The following MARCHF4 variants were observed in gnomAD, a reference collection of about 807,000 sequenced individuals.
MARCHF4 encodes the protein membrane associated ring-CH-type finger 4, also known as E3 ubiquitin-protein ligase MARCHF4.
In MARCHF4, 14 loss-of-function variants were observed where a neutral mutation model predicts 43.9. That is an observed-to-expected ratio of 0.32 (90% CI 0.21 to 0.50). The LOEUF is 0.50. Among genes scored for constraint, MARCHF4 ranks in the 20% least tolerant of loss-of-function variants. The probability of loss-of-function intolerance (pLI) is 0.98; values close to 1 mark genes in which losing one functional copy is unlikely to be tolerated. For synonymous variants in MARCHF4, 226 were observed against 213.3 expected (o/e 1.06, Z -0.52); for missense variants, 468 against 536.7 (o/e 0.87, Z 1.27).
At chr2:216,335,004 TC>T (rs1245979051) in intron 1 of MARCHF4, among the ~76,000 whole-genome samples, 3 of 152,200 alleles carry the variant, frequency 2.0e-5, no homozygotes, top group African/African-American at 7.2e-5. Flanking sequence ...ATGTGCTACT[TC>T]CAGTAATCAT....
At chr2:216,327,660 G>T (rs975831322) in intron 1 of MARCHF4, among the ~76,000 whole-genome samples, 90 of 152,294 alleles carry the variant, frequency 5.9e-4, no homozygotes, top group African/African-American at 2.1e-3. Flanking sequence ...AACCACTAAT[G>T]TTGATATAAT....
chr2:216,357,354 G>T (rs909834412), intron 1 of MARCHF4, among the ~76,000 whole-genome samples: 2 of 151,990 alleles, frequency 1.3e-5, no homozygotes, highest in African/African-American at 4.8e-5. Context: ...ACATGGTCTT[G>T]CTCTGTCACC....
chr2:216,262,154 AGAG>A (rs747223254), intron 3 of MARCHF4, among the ~76,000 whole-genome samples: 3 of 152,202 alleles, frequency 2.0e-5, no homozygotes, highest in Non-Finnish European at 4.4e-5. Context: ...ATTTGTGGAG[AGAG>A]GAGAAGGTGG....
chr2:216,320,496 G>A (rs972398821), intron 1 of MARCHF4, among the ~76,000 whole-genome samples: 7 of 152,076 alleles, frequency 4.6e-5, no homozygotes, highest in African/African-American at 1.7e-4. Context: ...CCAGCAAATG[G>A]GCAACCCAGG....
At chr2:216,288,175 G>T (rs1483905056) in intron 1 of MARCHF4, among the ~76,000 whole-genome samples, 1 of 152,168 alleles carries the variant, frequency 6.6e-6, no homozygotes, top group Non-Finnish European at 1.5e-5. Context: ...ACGTAGCCCA[G>T]GCTGATCTCA....
intron 3 of MARCHF4, among the ~76,000 whole-genome samples, chr2:216,268,326 T>C (rs1366593274): frequency 1.3e-5 from 2 of 152,224 alleles, no homozygotes; most frequent in African/African-American, 4.8e-5. Flanking sequence ...CGATATGGTT[T>C]GGCTGTGTGT....
chr2:216,290,824 A>G (rs1288494410), intron 1 of MARCHF4, among the ~76,000 whole-genome samples: 2 of 152,146 alleles, frequency 1.3e-5, no homozygotes, highest in Admixed American at 6.5e-5. Flanking sequence ...GCACAATGAG[A>G]AGGATGGGGA....
chr2:216,326,257 T>A (rs1184189986), intron 1 of MARCHF4, among the ~76,000 whole-genome samples: 12 of 151,962 alleles, frequency 7.9e-5, no homozygotes. Context: ...AAAACCACAA[T>A]GAGATACCAT....
chr2:216,338,133 C>T (rs935066965), intron 1 of MARCHF4, among the ~76,000 whole-genome samples: 12 of 152,102 alleles, frequency 7.9e-5, no homozygotes, highest in Non-Finnish European at 8.8e-5. Context: ...ACTTTATGTG[C>T]CTTATGTCAT....
intron 1 of MARCHF4, among the ~76,000 whole-genome samples, chr2:216,357,366 A>G (rs1425066867): frequency 6.6e-6 from 1 of 152,170 alleles, no homozygotes; most frequent in Non-Finnish European, 1.5e-5. Flanking sequence ...TCTGTCACCC[A>G]GGCTGGAGTG....
intron 3 of MARCHF4, chr2:216,265,827 A>G (rs1330414718): frequency 6.6e-6 from 1 of 152,200 alleles, no homozygotes; most frequent in African/African-American, 2.4e-5. Context: ...AGAATCACCC[A>G]AAGAGCTTGT....
At chr2:216,308,229 C>G (rs73064473) in intron 1 of MARCHF4, among the ~76,000 whole-genome samples, 4,605 of 152,154 alleles carry the variant, frequency 0.03, 235 homozygotes, top group African/African-American at 0.1. Flanking sequence ...TGGTGAAAAC[C>G]TGTCTCTAAC....
chr2:216,344,386 G>A (rs912437462), intron 1 of MARCHF4, among the ~76,000 whole-genome samples: 7 of 152,144 alleles, frequency 4.6e-5, no homozygotes, highest in African/African-American at 9.7e-5. Context: ...GCTGCCTCTC[G>A]TAGAATTGAT....
intron 1 of MARCHF4, among the ~76,000 whole-genome samples, chr2:216,323,114 G>A (rs1691931033): frequency 6.6e-6 from 1 of 152,160 alleles, no homozygotes; most frequent in Non-Finnish European, 1.5e-5. Context: ...AATAAGCAAA[G>A]TGTGTTCCTC....
At position 216,372,344 on chromosome 2, in the gene MARCHF4, C is replaced by A. The variant is rs73988382; in HGVS notation, c.-2084G>T. 6.6e-6 allele frequency among the ~76,000 whole-genome samples: 1 copy of A among 152,028 alleles called. No individual in the cohort carries two copies. Among genetic ancestry groups the A allele is most frequent in the African/African-American group, 2.4e-5 (1 of 41,378 alleles). ...CCGCTGCTGCATTCAGCACCCCGGGCGAGTGGACAGCTCCCACCCAGACCC... is the reference window on the plus strand; with the variant it reads ...CCGCTGCTGCATTCAGCACCCCGGGAGAGTGGACAGCTCCCACCCAGACCC... On this transcript the variant is annotated 5_prime_UTR_variant, in exon 1 of 4. Transcript: ENST00000273067.
chr2:216,320,600 A>T (rs1336226908), intron 1 of MARCHF4, among the ~76,000 whole-genome samples: 2 of 143,292 alleles, frequency 1.4e-5, no homozygotes, highest in Non-Finnish European at 3.1e-5. Context: ...GTAGAGCTAT[A>T]GCCTCTTTTT....
At chr2:216,367,104 G>A (rs1369755510) in intron 1 of MARCHF4, among the ~76,000 whole-genome samples, 3 of 152,156 alleles carry the variant, frequency 2.0e-5, no homozygotes, top group Non-Finnish European at 2.9e-5. Context: ...TATAGCAGTA[G>A]TAAATGATTG....
intron 1 of MARCHF4, among the ~76,000 whole-genome samples, chr2:216,348,525 G>A (rs1004611825): frequency 6.6e-6 from 1 of 152,136 alleles, no homozygotes; most frequent in African/African-American, 2.4e-5. Flanking sequence ...GACAGTTTAC[G>A]GATGCCATGT....
At chr2:216,285,247 C>T (rs142954377) in intron 1 of MARCHF4, among the ~76,000 whole-genome samples, 1 of 152,306 alleles carries the variant, frequency 6.6e-6, no homozygotes, top group East Asian at 1.9e-4. Context: ...ATTTTGTTAA[C>T]TCTGGGAACA....
Sources: gnomAD v4.1 joint callset for allele counts (sites outside exome capture counted in the v4.1 genomes callset) on GRCh38, gnomAD v4.1.1 for gene constraint, MANE v1.5 for transcripts, NCBI Gene and HGNC (gene_info 2026-07-23, HGNC 2026-07-21) for gene names.